The following VPS37B variants were observed in gnomAD, a reference collection of about 807,000 sequenced individuals.
VPS37B encodes VPS37B subunit of ESCRT-I.
In VPS37B, 11 loss-of-function variants were observed where a neutral mutation model predicts 21.2. The ratio of observed to expected loss-of-function variants is 0.52; its 90% CI spans 0.33 to 0.86. VPS37B has a LOEUF of 0.86. Ranked by LOEUF, VPS37B falls within the 40% of genes least tolerant of loss-of-function variation. The pLI, the probability that VPS37B is intolerant of heterozygous loss-of-function variation, is 0.03. For synonymous variants in VPS37B, 175 were observed against 159.6 expected (o/e 1.10, Z -0.73); for missense variants, 389 against 374.8 (o/e 1.04, Z -0.31).
intron 1 of VPS37B, chr12:122,885,612 C>T (rs527861782): frequency 2.0e-5 from 3 of 150,890 alleles, no homozygotes; most frequent in African/African-American, 7.3e-5. Context: ...GATGTGATTA[C>T]ACTTTTCTTC....
intron 1 of VPS37B, chr12:122,882,729 T>C (rs925852010): frequency 6.6e-6 from 1 of 152,216 alleles, no homozygotes; most frequent in Middle Eastern, 3.2e-3. Context: ...CAATTTGAGT[T>C]TGAGCTTTAC....
chr12:122,873,769 A>G (rs898814677), intron 1 of VPS37B: 3 of 152,270 alleles, frequency 2.0e-5, no homozygotes, highest in African/African-American at 7.2e-5. Flanking sequence ...TCATCAGTGA[A>G]GATTAAATCT....
intron 1 of VPS37B, chr12:122,884,650 ACTCCC>A (rs1202044638): frequency 6.6e-6 from 1 of 150,854 alleles, no homozygotes; most frequent in African/African-American, 2.4e-5. Context: ...AATAGCTTCT[ACTCCC>A]CTCCCATCTC....
At chr12:122,895,331 C>CA (rs1320356605) in intron 1 of VPS37B, among the ~76,000 whole-genome samples, 1 of 151,780 alleles carries the variant, frequency 6.6e-6, no homozygotes, top group African/African-American at 2.4e-5. Context: ...CTCAGTCCCC[C>CA]AAAACCTACT....
At position 122,870,552 on chromosome 12, in the gene VPS37B, T is replaced by C. The variant is rs753193662; in HGVS notation, c.283+338A>G. On this transcript the variant is annotated intron_variant, in intron 2 of 3. Transcript: ENST00000267202. ...GAGTTCAAGACCAGCCTGGGCAACA[T>C]AGCAAGACAACCTCTCTGCAAAAAA... The C allele has an allele frequency of 3.2e-5, 6 of 187,526 alleles. No homozygotes were observed. In the East Asian group the frequency reaches 6.0e-4, roughly 19 times the overall value. 11.6% of individuals were successfully genotyped at this position (187,526 alleles called of 1,614,324 possible). A position where few individuals can be genotyped will look rare whatever the true frequency, so the allele number is the denominator to read the frequency against.
chr12:122,884,466 C>A (rs1158023439), intron 1 of VPS37B: 2 of 152,290 alleles, frequency 1.3e-5, no homozygotes, highest in East Asian at 3.9e-4. Flanking sequence ...TGCACTCATG[C>A]AAAAATCCAG....
At chr12:122,873,616 C>T (rs1649887893) in intron 1 of VPS37B, 1 of 152,224 alleles carries the variant, frequency 6.6e-6, no homozygotes, top group Admixed American at 6.5e-5. Context: ...CCAAACTCAT[C>T]AGCCCTGATC....
chr12:122,868,500 T>C lies in VPS37B; in HGVS notation c.346A>G (p.Lys116Glu). The change falls in exon 3 of 4, where the codon AAG becomes GAG. Residue 116 changes from lysine to glutamate, a missense_variant. By Grantham distance (56) the Lys-to-Glu change is moderately conservative. Transcript: ENST00000267202. This position sits in a 1 kb window ranked among gnomAD's most constrained non-coding sequence, Gnocchi z 5.5. ...LLALLQAEGAKIEEDTENMAE... is the reference protein window; with the variant it reads ...LLALLQAEGAEIEEDTENMAE... ...TTTACCTCAGTGTCTTCCTCAATCT[T>C]GGCCCCTTCTGCCTGAAGAAGTGCT... 1 of 1,613,616 alleles carries C rather than the reference T, an allele frequency of 6.2e-7. No homozygotes were observed. The highest frequency in any genetic ancestry group is 8.5e-7 in the Non-Finnish European group (1 of 1,179,914).
chr12:122,888,657 C>G (rs2034362845), intron 1 of VPS37B: 3 of 453,386 alleles, frequency 6.6e-6, no homozygotes, highest in Non-Finnish European at 8.9e-6. Flanking sequence ...ACAGTGCAGT[C>G]TACTTCTGGG....
In VPS37B at chr12:122,871,016, G is replaced by A; in HGVS notation, c.157C>T (p.Arg53Trp). ...LNKEMTLASNRSLAEGNLLYQ... is the reference protein window; with the variant it reads ...LNKEMTLASNWSLAEGNLLYQ... ...AAAAGGTTTCCTTCTGCCAGGCTCC[G>A]GTTGCTGGCAAGTGTCATTTCTTTG... The change falls in exon 2 of 4, where the codon CGG (arginine) becomes TGG (tryptophan). Residue 53 changes from arginine (R) to tryptophan (W), a missense_variant. Transcript: ENST00000267202. The A allele has an allele frequency of 3.7e-6, 6 of 1,614,180 alleles. No individual in the cohort carries two copies. The highest frequency in any genetic ancestry group is 2.2e-5 in the South Asian group (2 of 91,088).
intron 1 of VPS37B, chr12:122,885,686 T>C (rs60762252): frequency 7.8e-6 from 1 of 128,842 alleles, no homozygotes; most frequent in Admixed American, 7.7e-5. Flanking sequence ...TATTATTTTT[T>C]TTTTTTTTTT....
At chr12:122,883,082 C>G in intron 1 of VPS37B, 1 of 152,214 alleles carries the variant, frequency 6.6e-6, no homozygotes, top group East Asian at 1.9e-4. Flanking sequence ...AAACCATCTC[C>G]AAGGCTACAG....
intron 1 of VPS37B, chr12:122,881,106 T>C (rs1302747080): frequency 6.6e-6 from 1 of 152,268 alleles, no homozygotes; most frequent in Non-Finnish European, 1.5e-5. Context: ...AACTTTGCTC[T>C]TGTCAGTATC....
At position 122,867,777 on chromosome 12, in the gene VPS37B, G is replaced by C. The variant is rs959722739; in HGVS notation, c.367-170C>G. Among the ~76,000 whole-genome samples, 9 of 152,190 alleles carry C rather than the reference G, an allele frequency of 5.9e-5. No individual in the cohort carries two copies. The highest frequency in any genetic ancestry group is 2.2e-4 in the African/African-American group (9 of 41,430). On this transcript the variant is annotated intron_variant, in intron 3 of 3. Transcript: ENST00000267202. This position sits in a 1 kb window ranked among gnomAD's most constrained non-coding sequence, Gnocchi z 5.5. ...CAGATCCCAGAGGTCATGGGCTCAG[G>C]CTTCAGCATGAGCTGCCACTAGGTG...
intron 1 of VPS37B, chr12:122,886,241 CTTTTCTAAGAGT>C (rs1295982978): frequency 6.6e-6 from 1 of 152,180 alleles, no homozygotes; most frequent in Admixed American, 6.5e-5. Context: ...GTCCTGTGAG[CTTTTCTAAGAGT>C]TGCAATCAAG....
intron 1 of VPS37B, among the ~76,000 whole-genome samples, chr12:122,892,044 C>T (rs2034420124): frequency 6.6e-6 from 1 of 152,186 alleles, no homozygotes; most frequent in African/African-American, 2.4e-5. Context: ...GCCTAATCCC[C>T]TAAGCGACAG....
intron 1 of VPS37B, chr12:122,871,287 C>G: frequency 7.6e-7 from 1 of 1,311,798 alleles, no homozygotes; most frequent in Non-Finnish European, 9.7e-7. Flanking sequence ...CCTTCCAGCA[C>G]GTTTCCAGGA....
intron 2 of VPS37B, among the ~76,000 whole-genome samples, chr12:122,869,526 A>T (rs1397042508): frequency 1.3e-5 from 2 of 152,194 alleles, no homozygotes; most frequent in Non-Finnish European, 2.9e-5. Flanking sequence ...ATGATCGTAA[A>T]TTTTTACTGA....
At chr12:122,871,414 C>A (rs765859725) in intron 1 of VPS37B, 198 of 1,012,476 alleles carry the variant, frequency 2.0e-4, no homozygotes, top group Non-Finnish European at 2.2e-4. Context: ...GATTTAGAAT[C>A]TGATTTTTTT....
Sources: gnomAD v4.1 joint callset for allele counts (sites outside exome capture counted in the v4.1 genomes callset) on GRCh38, gnomAD v4.1.1 for gene constraint, Gnocchi (gnomAD v3.1) non-coding constraint, MANE v1.5 for transcripts, NCBI Gene and HGNC (gene_info 2026-07-23, HGNC 2026-07-21) for gene names.